The following ANXA4 variants were observed in gnomAD, a reference collection of about 807,000 sequenced individuals.
The protein encoded by ANXA4 is 35-beta calcimedin.
ANXA4 carries 39 observed loss-of-function variants against 49.8 expected under a neutral mutation model. The ratio of observed to expected loss-of-function variants is 0.78; its 90% confidence interval spans 0.61 to 1.02. The LOEUF (loss-of-function observed/expected upper bound fraction) is 1.02. Among genes scored for constraint, ANXA4 ranks in the 50% least tolerant of loss-of-function variants. The probability of loss-of-function intolerance (pLI) is 0.00; values close to 1 mark genes in which losing one functional copy is unlikely to be tolerated. For missense variants in ANXA4, 360 were observed against 410.1 expected, an observed-to-expected ratio of 0.88 and a Z score of 1.05; for synonymous variants, 134 against 152.5, an observed-to-expected ratio of 0.88 and a Z score of 0.89.
chr2:69,792,931 C>T (rs1014409229), intron 3 of ANXA4, among the ~76,000 whole-genome samples: 3 of 152,080 alleles, frequency 2.0e-5, no homozygotes, highest in Non-Finnish European at 2.9e-5. Context: ...GAAGCAGGCA[C>T]GTTGATAGTT....
chr2:69,704,812 G>A (rs770177918), intron 2 of ANXA4, among the ~76,000 whole-genome samples: 47 of 152,112 alleles, frequency 3.1e-4, no homozygotes, highest in Non-Finnish European at 4.0e-4. Context: ...GATTGTAGCT[G>A]TTTTTGCAAT....
At chr2:69,675,805 CG>C (rs1559069370) in intron 2 of ANXA4, among the ~76,000 whole-genome samples, 3 of 151,786 alleles carry the variant, frequency 2.0e-5, no homozygotes, top group African/African-American at 7.3e-5. Context: ...GGGCAGATCA[CG>C]AGGTCAGGAG....
At chr2:69,781,758 G>A (rs1232079610) in intron 2 of ANXA4, among the ~76,000 whole-genome samples, 184 bp downstream of exon 2, 1 of 152,096 alleles carries the variant, frequency 6.6e-6, no homozygotes, top group Non-Finnish European at 1.5e-5. Context: ...TAAGCAACTT[G>A]ACCTTGAAAA....
At chr2:69,779,790 CT>C (rs888868597) in intron 1 of ANXA4, among the ~76,000 whole-genome samples, 2 of 152,208 alleles carry the variant, frequency 1.3e-5, no homozygotes, top group Non-Finnish European at 2.9e-5. Context: ...AACCTTGTTT[CT>C]GAGCCTTCCC....
At chr2:69,786,747 G>T (rs757958312) in intron 2 of ANXA4, among the ~76,000 whole-genome samples, 1 of 151,744 alleles carries the variant, frequency 6.6e-6, no homozygotes, top group Non-Finnish European at 1.5e-5. Flanking sequence ...TTTGAGACAG[G>T]GTCTCACTCT....
intron 1 of ANXA4, among the ~76,000 whole-genome samples, chr2:69,774,398 G>C (rs181601657): frequency 2.5e-4 from 35 of 140,652 alleles, no homozygotes; most frequent in Non-Finnish European, 5.3e-4. Context: ...GAGAGCAGTG[G>C]CGCAATCTCA....
rs1369792359 is a variant in ANXA4 at position 69,814,402 on chromosome 2, G to A, written c.534+1693G>A. Among the ~76,000 whole-genome samples, 4 of 137,320 alleles carry A rather than the reference G, an allele frequency of 2.9e-5. No homozygotes were observed. The Admixed American group carries it at 3.2e-4, about 11-fold the overall frequency. 90.1% of individuals were successfully genotyped at this position (137,320 alleles called of 152,430 possible). Reference sequence around the variant, plus strand: ...GCTCTGTCTCCCAGGCTGTTGTGCAGTGGCATGATCTCGGCCCACTGCAAC... The same window carrying A: ...GCTCTGTCTCCCAGGCTGTTGTGCAATGGCATGATCTCGGCCCACTGCAAC... On this transcript the variant is annotated intron_variant, in intron 8 of 12. Coordinates refer to ENST00000394295, the MANE Select transcript of ANXA4 (RefSeq NM_001153.5).
intron 2 of ANXA4, among the ~76,000 whole-genome samples, chr2:69,698,491 G>T (rs1346535989): frequency 6.6e-6 from 1 of 152,172 alleles, no homozygotes; most frequent in East Asian, 1.9e-4. Context: ...GAGAAGGCCA[G>T]AACAGAGTGG....
chr2:69,691,506 C>T (rs145371643), intron 2 of ANXA4, among the ~76,000 whole-genome samples: 1 of 152,038 alleles, frequency 6.6e-6, no homozygotes, highest in Non-Finnish European at 1.5e-5. Context: ...GAATGAACTG[C>T]ATCAAAATGA....
At chr2:69,727,343 G>C (rs1283200821) in intron 3 of ANXA4, among the ~76,000 whole-genome samples, 1 of 152,178 alleles carries the variant, frequency 6.6e-6, no homozygotes, top group Non-Finnish European at 1.5e-5. Flanking sequence ...GTTTCTCAGT[G>C]TGGTTCTACC....
chr2:69,777,399 A>C (rs1672002331), intron 1 of ANXA4, among the ~76,000 whole-genome samples: 1 of 152,142 alleles, frequency 6.6e-6, no homozygotes, highest in African/African-American at 2.4e-5. Flanking sequence ...CCCATCCTAT[A>C]GTTATCTGGG....
intron 12 of ANXA4, among the ~76,000 whole-genome samples, chr2:69,822,699 T>C (rs1674294306): frequency 6.6e-6 from 1 of 152,114 alleles, no homozygotes; most frequent in African/African-American, 2.4e-5. Context: ...CTTTATGAAA[T>C]ATGTAGAATA....
intron 2 of ANXA4, among the ~76,000 whole-genome samples, chr2:69,710,323 G>A (rs568999782): frequency 3.9e-5 from 6 of 152,060 alleles, no homozygotes; most frequent in Non-Finnish European, 5.9e-5. Flanking sequence ...GATATTATAT[G>A]TAATTTTACT....
At chr2:69,667,748 A>C (rs1039108429) in intron 2 of ANXA4, among the ~76,000 whole-genome samples, 2 of 152,092 alleles carry the variant, frequency 1.3e-5, no homozygotes, top group African/African-American at 2.4e-5. Context: ...ACTCATTTTT[A>C]TTGCTCCCAA....
At chr2:69,815,810 G>A (rs1057456441) in intron 8 of ANXA4, 3 of 334,144 alleles carry the variant, frequency 9.0e-6, no homozygotes, top group Admixed American at 8.4e-5. Context: ...CAACTGTAGG[G>A]GACAGCCCAA....
chr2:69,752,904 C>G (rs1045227415), intron 1 of ANXA4, among the ~76,000 whole-genome samples: 14 of 152,216 alleles, frequency 9.2e-5, no homozygotes, highest in African/African-American at 3.4e-4. Context: ...CTAGTCTTTT[C>G]CAAATAAGTC....
chr2:69,808,332 A>C, intron 6 of ANXA4: 2 of 278,530 alleles, frequency 7.2e-6, no homozygotes, highest in Non-Finnish European at 1.4e-5. Context: ...ATTCCAAGGA[A>C]TGGTCTGGAG....
At chr2:69,748,687 G>A (rs10211658) in intron 1 of ANXA4, among the ~76,000 whole-genome samples, 73,620 of 149,252 alleles carry the variant, frequency 0.49, 18,526 homozygotes, top group East Asian at 0.7. Context: ...CCAGTGGGGT[G>A]CAGATGCTTG....
intron 2 of ANXA4, among the ~76,000 whole-genome samples, chr2:69,667,159 G>C (rs1340333325): frequency 6.6e-6 from 1 of 152,002 alleles, no homozygotes; most frequent in African/African-American, 2.4e-5. Flanking sequence ...AAGCTGAGGA[G>C]GCAGAGAGGG....
Sources: allele counts gnomAD v4.1 joint callset (sites outside exome capture counted in the v4.1 genomes callset), GRCh38; gene constraint gnomAD v4.1.1; transcripts MANE v1.5; gene names NCBI Gene and HGNC (gene_info 2026-07-23, HGNC 2026-07-21).